The following DNAH9 variants were observed in gnomAD, a reference collection of about 807,000 sequenced individuals.
The protein encoded by DNAH9 is dynein axonemal heavy chain 9.
A neutral mutation model predicts 471.6 loss-of-function variants in DNAH9; 345 were observed. The observed-to-expected ratio is 0.73, with a 90% CI of 0.67 to 0.80. The LOEUF (loss-of-function observed/expected upper bound fraction) is 0.80, where lower values mean the gene tolerates loss of function less well. DNAH9 is among the 30% of genes least tolerant of loss of function. The pLI is 0.00. For synonymous variants in DNAH9, 2,093 were observed against 2,123.6 expected, an observed-to-expected ratio of 0.99 and a Z score of 0.40; for missense variants, 5,407 against 5,609.2, an observed-to-expected ratio of 0.96 and a Z score of 1.15.
chr17:11,836,225 A>G (rs975474961), intron 49 of DNAH9, among the ~76,000 whole-genome samples: 6 of 152,152 alleles, frequency 3.9e-5, no homozygotes, highest in Admixed American at 1.3e-4. Flanking sequence ...AAAAAAGCTA[A>G]TCTTCTGAAA....
At chr17:11,833,296 A>G (rs1013941445) in intron 48 of DNAH9, among the ~76,000 whole-genome samples, 3 of 152,246 alleles carry the variant, frequency 2.0e-5, no homozygotes, top group African/African-American at 7.2e-5. Flanking sequence ...TAATCTGGCC[A>G]TCTATTTCTA....
chr17:11,780,917 A>G, intron 38 of DNAH9, 92 bp from the exon 39 acceptor site: 3 of 1,362,352 alleles, frequency 2.2e-6, no homozygotes, highest in Non-Finnish European at 3.0e-6. Flanking sequence ...ACATGAAGGC[A>G]GCACCATTGC....
intron 41 of DNAH9, among the ~76,000 whole-genome samples, chr17:11,789,717 C>G (rs577937339): frequency 6.6e-6 from 1 of 151,684 alleles, no homozygotes; most frequent in South Asian, 2.1e-4. Flanking sequence ...ATTTTTATTC[C>G]TACTTACCTT....
At chr17:11,856,924 G>A (rs1288645647) in intron 50 of DNAH9, among the ~76,000 whole-genome samples, 1 of 151,936 alleles carries the variant, frequency 6.6e-6, no homozygotes, top group Non-Finnish European at 1.5e-5. Flanking sequence ...ATGTTGCCCA[G>A]GCTGGTCTTG....
chr17:11,934,143 C>T, intron 65 of DNAH9, 72 bp downstream of exon 65: 1 of 1,498,810 alleles, frequency 6.7e-7, no homozygotes, highest in Non-Finnish European at 9.1e-7. Flanking sequence ...CCCACGCCGA[C>T]CTGCACCACC....
At chr17:11,691,355 G>A (rs1221761470) in intron 20 of DNAH9, among the ~76,000 whole-genome samples, 1 of 152,128 alleles carries the variant, frequency 6.6e-6, no homozygotes, top group Non-Finnish European at 1.5e-5. Flanking sequence ...AATTAAAAGG[G>A]GGCCGGGACA....
chr17:11,721,437 AG>A (rs1026560925), intron 27 of DNAH9, among the ~76,000 whole-genome samples: 2 of 152,148 alleles, frequency 1.3e-5, no homozygotes, highest in Non-Finnish European at 2.9e-5. Flanking sequence ...CAAATATCCC[AG>A]GTAACCAAAC....
At chr17:11,819,043 G>A (rs549504165) in intron 45 of DNAH9, among the ~76,000 whole-genome samples, 1 of 151,660 alleles carries the variant, frequency 6.6e-6, no homozygotes, top group South Asian at 2.1e-4. Context: ...TTCAATTTCT[G>A]ACTCTCCCTC....
At chr17:11,913,827 A>G (rs1973862986) in intron 61 of DNAH9, among the ~76,000 whole-genome samples, 1 of 151,966 alleles carries the variant, frequency 6.6e-6, no homozygotes, top group African/African-American at 2.4e-5. Flanking sequence ...ACAGTTTCAT[A>G]TTCCACAAGT....
chr17:11,748,580 C>T (rs1353341477), intron 32 of DNAH9, among the ~76,000 whole-genome samples: 1 of 152,124 alleles, frequency 6.6e-6, no homozygotes, highest in African/African-American at 2.4e-5. Flanking sequence ...GCATGCCAGG[C>T]CCCTGATGAT....
chr17:11,946,831 A>G (rs985885898), intron 67 of DNAH9, among the ~76,000 whole-genome samples: 1 of 152,218 alleles, frequency 6.6e-6, no homozygotes, highest in Admixed American at 6.5e-5. Context: ...AGGTCTACCC[A>G]TGTTAGCCAA....
chr17:11,956,312 C>T (rs1975637804), intron 67 of DNAH9, among the ~76,000 whole-genome samples: 1 of 152,018 alleles, frequency 6.6e-6, no homozygotes, highest in South Asian at 2.1e-4. Flanking sequence ...AGTGTATAGG[C>T]ACCTCATAAC....
At chr17:11,654,380 T>TAAAAAAAAAAAAAAAA (rs1555557829) in intron 14 of DNAH9, among the ~76,000 whole-genome samples, 1 of 110,494 alleles carries the variant, frequency 9.1e-6, no homozygotes, top group Non-Finnish European at 2.0e-5. Context: ...AAAAAAAAAG[T>TAAAAAAAAAAAAAAAA]TTAAAATCGA....
chr17:11,900,758 G>A (rs571590963), intron 59 of DNAH9, among the ~76,000 whole-genome samples: 1 of 152,274 alleles, frequency 6.6e-6, no homozygotes, highest in East Asian at 1.9e-4. Flanking sequence ...ATTATATTGG[G>A]TGCCTAAAAA....
At chr17:11,866,748 C>T (rs1268145008) in intron 50 of DNAH9, among the ~76,000 whole-genome samples, 4 of 152,254 alleles carry the variant, frequency 2.6e-5, no homozygotes, top group Non-Finnish European at 5.9e-5. Flanking sequence ...CCCAGCCTCG[C>T]TGCCGCCTTG....
chr17:11,618,533 C>T (rs900760387), intron 5 of DNAH9, among the ~76,000 whole-genome samples: 4 of 147,796 alleles, frequency 2.7e-5, no homozygotes, highest in African/African-American at 7.5e-5. Flanking sequence ...TTGCAGTGAG[C>T]GAAGATTGTG....
chr17:11,923,628 A>G (rs1974215275), intron 61 of DNAH9, among the ~76,000 whole-genome samples, 186 bp from the exon 62 acceptor site: 5 of 152,094 alleles, frequency 3.3e-5, no homozygotes, highest in Admixed American at 3.3e-4. Context: ...TTCCTTTTAT[A>G]TGACAATAAA....
At chr17:11,670,659 G>A (rs1264947992) in intron 17 of DNAH9, among the ~76,000 whole-genome samples, 2 of 151,980 alleles carry the variant, frequency 1.3e-5, no homozygotes, top group Non-Finnish European at 2.9e-5. Context: ...GATTTTCCAA[G>A]GGTAATGTTC....
At chr17:11,789,594 A>G (rs893839456) in intron 41 of DNAH9, among the ~76,000 whole-genome samples, 6 of 151,900 alleles carry the variant, frequency 3.9e-5, no homozygotes, top group Admixed American at 3.3e-4. Flanking sequence ...GGAGTTAGCA[A>G]TTGTGCTAGT....
Sources: allele counts gnomAD v4.1 joint callset (sites outside exome capture counted in the v4.1 genomes callset), GRCh38; gene constraint gnomAD v4.1.1; transcripts MANE v1.5; gene names NCBI Gene and HGNC (gene_info 2026-07-23, HGNC 2026-07-21).